Variants in RHOJ observed in about 807,000 individuals in gnomAD.
RHOJ encodes ras homolog family member J.
A neutral mutation model predicts 23.4 loss-of-function variants in RHOJ; 11 were observed. The observed-to-expected ratio is 0.47, with a 90% confidence interval of 0.30 to 0.78. The LOEUF is 0.78. Ranked by LOEUF, RHOJ falls within the 30% of genes least tolerant of loss-of-function variation. The pLI is 0.08. For synonymous variants in RHOJ, 102 were observed against 102.7 expected, an observed-to-expected ratio of 0.99 and a Z score of 0.04; for missense variants, 254 against 273.4, an observed-to-expected ratio of 0.93 and a Z score of 0.50.
intron 1 of RHOJ, among the ~76,000 whole-genome samples, chr14:63,253,077 C>G (rs539173923): frequency 1.6e-4 from 25 of 152,308 alleles, no homozygotes; most frequent in African/African-American, 5.8e-4. Flanking sequence ...ATATCACTTG[C>G]CTATTCTTTC....
intron 2 of RHOJ, among the ~76,000 whole-genome samples, chr14:63,272,734 GT>G (rs1174775283): frequency 5.3e-5 from 8 of 152,168 alleles, no homozygotes; most frequent in Admixed American, 5.2e-4. Flanking sequence ...GCTAAAGATA[GT>G]TTATAATGGG....
At chr14:63,239,137 G>T (rs1434875793) in intron 1 of RHOJ, among the ~76,000 whole-genome samples, 1 of 151,914 alleles carries the variant, frequency 6.6e-6, no homozygotes. Flanking sequence ...ATTTGAAATG[G>T]AGTCTACTCT....
chr14:63,210,027 T>G (rs1189850050), intron 1 of RHOJ, among the ~76,000 whole-genome samples: 1 of 150,584 alleles, frequency 6.6e-6, no homozygotes, highest in African/African-American at 2.4e-5. Context: ...TGGCACAATC[T>G]CAGCTCACTG....
chr14:63,281,010 A>G lies in RHOJ; in HGVS notation c.277A>G (p.Thr93Ala), dbSNP rs1881879096. Residue 93 changes from threonine to alanine, a missense_variant, in exon 3 of 5, where the codon ACG (threonine) becomes GCG (alanine). By Grantham distance (58) the Thr-to-Ala change is moderately conservative. Coordinates refer to ENST00000316754, the MANE Select transcript of RHOJ (RefSeq NM_020663.5). Reference sequence around the variant, plus strand: ...GCTGAGGCCACTCTCCTACCCCAACACGGATGTGTTTTTGATCTGCTTCTC... The same window carrying G: ...GCTGAGGCCACTCTCCTACCCCAACGCGGATGTGTTTTTGATCTGCTTCTC... ...NQLRPLSYPN[T>A]DVFLICFSVV... The G allele has an allele frequency of 6.2e-7, 1 of 1,613,796 alleles. No individual in the cohort carries two copies. Among genetic ancestry groups the G allele is most frequent in the Non-Finnish European group, 8.5e-7 (1 of 1,179,950 alleles).
At chr14:63,229,252 G>A (rs1894648095) in intron 1 of RHOJ, among the ~76,000 whole-genome samples, 1 of 152,172 alleles carries the variant, frequency 6.6e-6, no homozygotes, top group African/African-American at 2.4e-5. Flanking sequence ...AAGGAGGAAT[G>A]TTAGTTTGAA....
chr14:63,283,365 T>C (rs1881975113), intron 4 of RHOJ, 149 bp downstream of exon 4: 1 of 679,398 alleles, frequency 1.5e-6, no homozygotes. Context: ...CCCTCTGTTC[T>C]AGTCGGGCTG....
At chr14:63,264,054 C>A (rs1441610699) in intron 1 of RHOJ, among the ~76,000 whole-genome samples, 1 of 151,734 alleles carries the variant, frequency 6.6e-6, no homozygotes, top group Non-Finnish European at 1.5e-5. Flanking sequence ...CCATGGGTAT[C>A]GTGAATGACA....
intron 1 of RHOJ, among the ~76,000 whole-genome samples, chr14:63,244,412 C>CAA (rs10685300): frequency 0.11 from 14,422 of 131,274 alleles, 1,869 homozygotes; most frequent in African/African-American, 0.31. Context: ...ACTAAAAATA[C>CAA]AAAAAAAAAA....
At chr14:63,255,738 T>C (rs951050642) in intron 1 of RHOJ, among the ~76,000 whole-genome samples, 3 of 152,238 alleles carry the variant, frequency 2.0e-5, no homozygotes, top group Admixed American at 1.3e-4. Context: ...GCCACACATT[T>C]CTTGCAGCCT....
chr14:63,216,037 A>G (rs1216260304), intron 1 of RHOJ, among the ~76,000 whole-genome samples: 1 of 152,222 alleles, frequency 6.6e-6, no homozygotes, highest in Non-Finnish European at 1.5e-5. Flanking sequence ...TGCTGAAAGG[A>G]TATATTGTAA....
At chr14:63,284,257 T>A (rs1299388119) in intron 4 of RHOJ, 1 of 984,696 alleles carries the variant, frequency 1.0e-6, no homozygotes, top group Non-Finnish European at 1.2e-6. Context: ...TTAAATACAA[T>A]CATGTTTTTA....
chr14:63,204,923 G>A lies in RHOJ; in HGVS notation c.54G>A (p.Glu18=). The A allele has an allele frequency of 4.3e-6, 7 of 1,613,966 alleles. No individual in the cohort carries two copies. Among genetic ancestry groups the A allele is most frequent in the Non-Finnish European group, 5.9e-6 (7 of 1,179,876 alleles). Residue 18 remains glutamate, a synonymous_variant, in exon 1 of 5, where the codon GAG becomes GAA. Coordinates refer to ENST00000316754, the MANE Select transcript of RHOJ (RefSeq NM_020663.5). ...GCTGCGGCTGCAGGGGCAACGACGA[G>A]AAGAAGATGTTGAAGTGTGTGGTGG... ...DSSCGCRGND[E]KKMLKCVVVG...
chr14:63,288,444 A>C, intron 4 of RHOJ: 1 of 552,350 alleles, frequency 1.8e-6, no homozygotes, highest in Non-Finnish European at 2.3e-6. Context: ...TTTCCAGACA[A>C]GTGCCACCAC....
intron 1 of RHOJ, among the ~76,000 whole-genome samples, chr14:63,245,681 G>T (rs1488870113): frequency 6.6e-6 from 1 of 152,024 alleles, no homozygotes; most frequent in African/African-American, 2.4e-5. Flanking sequence ...GGAGTGGAGG[G>T]GTTATAACTG....
intron 1 of RHOJ, among the ~76,000 whole-genome samples, chr14:63,217,295 A>T (rs1175469287): frequency 1.0e-4 from 14 of 137,798 alleles, no homozygotes; most frequent in Admixed American, 4.3e-4. Context: ...TGTCCATGTG[A>T]TCTCATTGTT....
chr14:63,291,092 C>G lies in RHOJ; in HGVS notation c.*68C>G. 1 of 1,585,328 alleles carries G rather than the reference C, an allele frequency of 6.3e-7. No individual in the cohort carries two copies. The highest frequency in any genetic ancestry group is 8.6e-7 in the Non-Finnish European group (1 of 1,158,510). On this transcript the variant is annotated 3_prime_UTR_variant, in exon 5 of 5. Transcript: ENST00000316754. ...GGCAGCCAATCTCTGTGGCCAAGCT[C>G]CAGCCAAAAAGGAGGGCACGACCAG...
In RHOJ at chr14:63,204,624, A is replaced by G; in HGVS notation, c.-246A>G. 1.9e-6 allele frequency: 1 copy of G among 533,936 alleles called. No individual in the cohort carries two copies. The highest frequency in any genetic ancestry group is 3.3e-6 in the Non-Finnish European group (1 of 301,118). 33.1% of individuals were successfully genotyped at this position (533,936 alleles called of 1,614,324 possible). A position where few individuals can be genotyped will look rare whatever the true frequency, so the allele number is the denominator to read the frequency against. On this transcript the variant is annotated 5_prime_UTR_variant, in exon 1 of 5. It removes the in-frame stop codon of an upstream open reading frame in the 5' UTR. Coordinates refer to ENST00000316754, the MANE Select transcript of RHOJ (RefSeq NM_020663.5). The stretch of plus-strand genomic sequence containing the variant: ...ATTCTGTGAAAATGAGGGTTTCTTA[A>G]CTCACACTGAGAGCGGAAAGGGGCA...
chr14:63,239,508 A>G (rs940678740), intron 1 of RHOJ, among the ~76,000 whole-genome samples: 13 of 152,220 alleles, frequency 8.5e-5, no homozygotes, highest in Admixed American at 7.2e-4. Flanking sequence ...GATTTTCTGT[A>G]ATTCTCCTGT....
intron 1 of RHOJ, among the ~76,000 whole-genome samples, chr14:63,246,911 G>A (rs1367327917): frequency 6.6e-6 from 1 of 152,162 alleles, no homozygotes; most frequent in Non-Finnish European, 1.5e-5. Flanking sequence ...AGGTTTATGA[G>A]AGGGGGCTTC....
Sources: allele counts gnomAD v4.1 joint callset (sites outside exome capture counted in the v4.1 genomes callset), GRCh38; gene constraint gnomAD v4.1.1; transcripts MANE v1.5; gene names NCBI Gene and HGNC (gene_info 2026-07-23, HGNC 2026-07-21).